Variants in EPHA6 observed in about 807,000 individuals in gnomAD.
EPHA6 encodes the protein ephrin type-A receptor 6.
Under a neutral mutation model 112.0 loss-of-function variants are expected in EPHA6, and 50 were observed. The observed-to-expected ratio is 0.45, with a 90% CI of 0.36 to 0.56. The LOEUF (loss-of-function observed/expected upper bound fraction) is 0.56. Among genes scored for constraint, EPHA6 ranks in the 20% least tolerant of loss-of-function variants. EPHA6 has a pLI of 0.00. For missense variants in EPHA6, 1,280 were observed against 1,417.4 expected (o/e 0.90, Z 1.56); for synonymous variants, 529 against 490.7 (o/e 1.08, Z -1.03).
chr3:96,887,149 C>T (rs956901562), intron 2 of EPHA6, among the ~76,000 whole-genome samples: 4 of 151,684 alleles, frequency 2.6e-5, no homozygotes, highest in Admixed American at 6.6e-5. Flanking sequence ...GTTGGGGGGG[C>T]GAGGTTGAAG....
intron 3 of EPHA6, among the ~76,000 whole-genome samples, chr3:97,188,849 A>T (rs2077225698): frequency 6.6e-6 from 1 of 152,030 alleles, no homozygotes; most frequent in Admixed American, 6.6e-5. Flanking sequence ...TTATAAAAGC[A>T]TATAAAAAAA....
At chr3:97,622,910 A>G (rs980156233) in intron 13 of EPHA6, among the ~76,000 whole-genome samples, 3 of 151,598 alleles carry the variant, frequency 2.0e-5, no homozygotes, top group African/African-American at 7.3e-5. Context: ...ACTTTATAAA[A>G]GTATCTATTC....
chr3:97,186,802 A>C (rs1045383575), intron 3 of EPHA6, among the ~76,000 whole-genome samples: 43 of 152,120 alleles, frequency 2.8e-4, no homozygotes, highest in Non-Finnish European at 4.0e-4. Flanking sequence ...ATACTGTCAA[A>C]TACAGCCAGT....
intron 2 of EPHA6, among the ~76,000 whole-genome samples, chr3:96,870,006 T>A: frequency 6.6e-6 from 1 of 152,204 alleles, no homozygotes; most frequent in East Asian, 1.9e-4. Flanking sequence ...GTACAAGATA[T>A]GTGATCTTAT....
intron 2 of EPHA6, among the ~76,000 whole-genome samples, chr3:96,877,312 A>G (rs373367314): frequency 5.8e-4 from 88 of 152,222 alleles, no homozygotes; most frequent in African/African-American, 2.1e-3. Flanking sequence ...TTTTCTCACT[A>G]TTCTCTCACT....
chr3:97,091,417 A>G (rs1263022595), intron 3 of EPHA6, among the ~76,000 whole-genome samples: 2 of 152,154 alleles, frequency 1.3e-5, no homozygotes, highest in South Asian at 2.1e-4. Flanking sequence ...CATTCCGAAC[A>G]AATGTTATCC....
chr3:97,184,034 A>G (rs915613822), intron 3 of EPHA6, among the ~76,000 whole-genome samples: 9 of 152,146 alleles, frequency 5.9e-5, no homozygotes, highest in African/African-American at 2.2e-4. Flanking sequence ...TTTTATAGAT[A>G]GAATTATAAA....
At chr3:97,377,536 G>A (rs1370551150) in intron 5 of EPHA6, among the ~76,000 whole-genome samples, 1 of 152,096 alleles carries the variant, frequency 6.6e-6, no homozygotes, top group Non-Finnish European at 1.5e-5. Flanking sequence ...AGCAGAGGTT[G>A]GTACAGTTTG....
chr3:97,694,566 T>G (rs553500360), intron 14 of EPHA6, among the ~76,000 whole-genome samples: 1 of 152,284 alleles, frequency 6.6e-6, no homozygotes, highest in Non-Finnish European at 1.5e-5. Flanking sequence ...TAATATTCTA[T>G]GGGGTAGCTC....
chr3:97,296,898 G>A (rs77481107), intron 5 of EPHA6, among the ~76,000 whole-genome samples: 2,275 of 152,276 alleles, frequency 0.015, 56 homozygotes, highest in African/African-American at 0.05. Flanking sequence ...AGTCCTCTGG[G>A]TGAACACAGG....
intron 5 of EPHA6, among the ~76,000 whole-genome samples, chr3:97,370,581 G>T (rs1450684269): frequency 6.6e-6 from 1 of 152,076 alleles, no homozygotes; most frequent in Non-Finnish European, 1.5e-5. Flanking sequence ...AACAGTATTA[G>T]ATTAAAAACT....
intron 14 of EPHA6, among the ~76,000 whole-genome samples, chr3:97,669,965 T>C (rs143971865): frequency 2.6e-5 from 4 of 152,154 alleles, no homozygotes; most frequent in Non-Finnish European, 5.9e-5. Context: ...AAATCACTCA[T>C]CTTTTGCAAC....
At position 97,156,635 on chromosome 3, in the gene EPHA6, T is replaced by G. The variant is rs184139907; in HGVS notation, c.1115-69629T>G. ...ACAGGCAAATTTGCTTCCATATAGT[T>G]TTTAGTTACTCTGGCATTAACATAA... On this transcript the variant is annotated intron_variant, in intron 3 of 17. Transcript: ENST00000389672. 6.8e-4 allele frequency among the ~76,000 whole-genome samples: 104 copies of G among 152,296 alleles called. 2 individuals carry two copies. In the East Asian group the frequency reaches 0.018, roughly 27 times the overall value.
At chr3:97,022,391 A>G (rs2044493579) in intron 3 of EPHA6, among the ~76,000 whole-genome samples, 1 of 152,176 alleles carries the variant, frequency 6.6e-6, no homozygotes, top group African/African-American at 2.4e-5. Flanking sequence ...CTTTTCAGCT[A>G]CTTGAGTTAT....
At chr3:97,226,129 A>G (rs1337689148) in intron 3 of EPHA6, 135 bp from the exon 4 acceptor site, 7 of 592,964 alleles carry the variant, frequency 1.2e-5, no homozygotes, top group Non-Finnish European at 1.9e-5. Flanking sequence ...ATCTTAATAT[A>G]GATGTCTTCT....
intron 13 of EPHA6, among the ~76,000 whole-genome samples, chr3:97,616,262 A>T (rs1438452852): frequency 6.6e-6 from 1 of 152,154 alleles, no homozygotes; most frequent in African/African-American, 2.4e-5. Context: ...GGAAAAAAAT[A>T]AATAAATCCA....
Position 97,510,247 on chromosome 3 carries a change from A to G in EPHA6, c.2201-22111A>G, listed in dbSNP as rs552579881. Among the ~76,000 whole-genome samples the G allele has an allele frequency of 1.4e-4, 22 of 152,224 alleles. No homozygotes were observed. The South Asian group carries it at 2.9e-3, about 20-fold the overall frequency. ...GTTCCCTTGCTTGTGAGGAGCTGTG[A>G]TCCTTTGGAGGAGAATTCTCACTCT... is the stretch of plus-strand genomic sequence containing the variant. On this transcript the variant is annotated intron_variant, in intron 10 of 17. Coordinates refer to ENST00000389672, the MANE Select transcript of EPHA6 (RefSeq NM_001080448.3).
intron 13 of EPHA6, among the ~76,000 whole-genome samples, chr3:97,636,313 A>T (rs1304132154): frequency 6.6e-6 from 1 of 152,136 alleles, no homozygotes; most frequent in East Asian, 1.9e-4. Context: ...AGGTTTCAAG[A>T]TTCCTAATAG....
chr3:97,710,751 T>C (rs1331620701), intron 14 of EPHA6, among the ~76,000 whole-genome samples: 1 of 152,234 alleles, frequency 6.6e-6, no homozygotes, highest in African/African-American at 2.4e-5. Flanking sequence ...TACTGTTGTT[T>C]TGTCTCTCTA....
Sources: gnomAD v4.1 joint callset for allele counts (sites outside exome capture counted in the v4.1 genomes callset) on GRCh38, gnomAD v4.1.1 for gene constraint, MANE v1.5 for transcripts, NCBI Gene and HGNC (gene_info 2026-07-23, HGNC 2026-07-21) for gene names.